SYCP1: variants seen among roughly 807,000 people sequenced by gnomAD.
SYCP1 encodes the protein synaptonemal complex protein 1.
SYCP1 carries 64 observed loss-of-function variants against 153.1 expected under a neutral mutation model. That is an observed-to-expected ratio of 0.42 (90% CI 0.34 to 0.51). The LOEUF (loss-of-function observed/expected upper bound fraction) is 0.51. Ranked by LOEUF, SYCP1 falls within the 20% of genes least tolerant of loss-of-function variation. The pLI is 0.06. For missense variants in SYCP1, 997 were observed against 1,049.0 expected (o/e 0.95, Z 0.68); for synonymous variants, 384 against 341.8 (o/e 1.12, Z -1.36).
intron 12 of SYCP1, among the ~76,000 whole-genome samples, chr1:114,882,156 A>G (rs1338724534): frequency 6.6e-6 from 1 of 152,020 alleles, no homozygotes; most frequent in Admixed American, 6.6e-5. Flanking sequence ...TTGCACTCCA[A>G]CCTGGGTGGC....
chr1:114,986,458 G>T (rs925760024), intron 30 of SYCP1, among the ~76,000 whole-genome samples: 1 of 151,966 alleles, frequency 6.6e-6, no homozygotes, highest in Non-Finnish European at 1.5e-5. Context: ...GATTCAGAAT[G>T]ATTCAACATG....
intron 16 of SYCP1, among the ~76,000 whole-genome samples, chr1:114,899,630 C>A (rs559933650): frequency 6.6e-6 from 1 of 152,274 alleles, no homozygotes; most frequent in East Asian, 1.9e-4. Context: ...ACACAATTGA[C>A]AAAGAAGTTT....
intron 21 of SYCP1, among the ~76,000 whole-genome samples, chr1:114,925,173 T>A (rs539618628): frequency 2.0e-5 from 3 of 152,136 alleles, no homozygotes; most frequent in Non-Finnish European, 4.4e-5. Flanking sequence ...TTAGTTCATA[T>A]TTATTAGTTA....
intron 5 of SYCP1, among the ~76,000 whole-genome samples, chr1:114,857,978 TA>T (rs1664129141): frequency 6.6e-6 from 1 of 152,018 alleles, no homozygotes; most frequent in Non-Finnish European, 1.5e-5. Context: ...TTAAAATATA[TA>T]GAACTTATTT....
intron 30 of SYCP1, among the ~76,000 whole-genome samples, chr1:114,990,901 TA>T (rs1673869883): frequency 6.6e-6 from 1 of 151,948 alleles, no homozygotes; most frequent in Admixed American, 6.6e-5. Context: ...AGCTTCTGGA[TA>T]ACTGAACACA....
At chr1:114,972,794 A>G (rs559754619) in intron 27 of SYCP1, among the ~76,000 whole-genome samples, 15 of 152,202 alleles carry the variant, frequency 9.9e-5, no homozygotes, top group African/African-American at 3.4e-4. Context: ...TTGAATGTTT[A>G]AGACTTGTTT....
intron 3 of SYCP1, 32 bp from the exon 4 acceptor site, chr1:114,857,200 G>A (rs367630362): frequency 3.3e-5 from 47 of 1,441,304 alleles, no homozygotes; most frequent in Middle Eastern, 3.9e-4. Context: ...AGATGTTGGC[G>A]TATTTAATAC....
intron 12 of SYCP1, 61 bp downstream of exon 12, chr1:114,878,263 C>T (rs1665678667): frequency 9.3e-7 from 1 of 1,072,132 alleles, no homozygotes; most frequent in Non-Finnish European, 1.4e-6. Context: ...ATGTTCTAAA[C>T]ATTGACTTTC....
chr1:114,860,436 G>A (rs1017810004), intron 7 of SYCP1, among the ~76,000 whole-genome samples: 4 of 152,020 alleles, frequency 2.6e-5, no homozygotes, highest in Non-Finnish European at 5.9e-5. Context: ...AAAGTTTATT[G>A]ATAGCAACTT....
In SYCP1 at chr1:114,947,270, G is replaced by T; in HGVS notation, c.2272G>T (p.Ala758Ser). The change falls in exon 27 of 32, where the codon GCT becomes TCT. Residue 758 changes from alanine (A) to serine (S), a missense_variant. Ala to Ser is a moderately conservative substitution (Grantham distance 99, BLOSUM62 1). Transcript: ENST00000369522. ...SLEIELSNLK[A>S]ELLSVKKQLE... ...GGAGATTGAACTATCCAATCTCAAA[G>T]CTGAACTTTTGTCTGTTAAGAAGCA... 6.2e-7 allele frequency: 1 copy of T among 1,612,850 alleles called. No individual in the cohort carries two copies. The highest frequency in any genetic ancestry group is 2.2e-5 in the East Asian group (1 of 44,728).
At chr1:114,874,125 C>A (rs903775352) in intron 8 of SYCP1, among the ~76,000 whole-genome samples, 4 of 152,170 alleles carry the variant, frequency 2.6e-5, no homozygotes, top group African/African-American at 9.6e-5. Context: ...CTGGTTCCCA[C>A]AGAGTTTTCT....
At chr1:114,981,293 G>T (rs376005848) in intron 28 of SYCP1, 43 bp from the exon 29 acceptor site, 2 of 1,400,986 alleles carry the variant, frequency 1.4e-6, no homozygotes, top group African/African-American at 3.0e-5. Flanking sequence ...TAATTAATGT[G>T]ACATTTAGTG....
intron 10 of SYCP1, 132 bp downstream of exon 10, chr1:114,876,270 C>T (rs968545134): frequency 3.5e-5 from 19 of 536,144 alleles, no homozygotes; most frequent in Non-Finnish European, 5.4e-5. Flanking sequence ...TTTCTGTAAG[C>T]CCCTCTAAAT....
chr1:114,899,009 C>A (rs948473483), intron 16 of SYCP1, among the ~76,000 whole-genome samples: 2 of 152,166 alleles, frequency 1.3e-5, no homozygotes, highest in African/African-American at 4.8e-5. Context: ...CGGTGTGAGG[C>A]CAGTTTTTTC....
intron 23 of SYCP1, among the ~76,000 whole-genome samples, chr1:114,939,324 G>A (rs911779161): frequency 6.6e-6 from 1 of 152,078 alleles, no homozygotes; most frequent in Admixed American, 6.6e-5. Context: ...ATGGAAACAT[G>A]TCCACTAAAA....
intron 16 of SYCP1, among the ~76,000 whole-genome samples, chr1:114,899,780 A>G (rs1397576372): frequency 1.3e-5 from 2 of 152,186 alleles, no homozygotes; most frequent in African/African-American, 4.8e-5. Context: ...AATATTGAAC[A>G]CCATTTTGGC....
chr1:114,934,474 A>G (rs1193618023), intron 23 of SYCP1, among the ~76,000 whole-genome samples: 1 of 152,332 alleles, frequency 6.6e-6, no homozygotes, highest in South Asian at 2.1e-4. Context: ...TATAAAGACC[A>G]TCGATGCTAG....
chr1:114,909,481 T>C (rs1446594947), intron 16 of SYCP1, among the ~76,000 whole-genome samples: 1 of 112,026 alleles, frequency 8.9e-6, no homozygotes, highest in Non-Finnish European at 1.9e-5. Flanking sequence ...TCTTTCCCTC[T>C]CTCTCCCTTG....
intron 16 of SYCP1, among the ~76,000 whole-genome samples, chr1:114,899,710 A>G (rs1667292616): frequency 6.6e-6 from 1 of 152,242 alleles, no homozygotes; most frequent in South Asian, 2.1e-4. Flanking sequence ...TTAGAATTTT[A>G]GAAATCCCAT....
Sources: allele counts gnomAD v4.1 joint callset (sites outside exome capture counted in the v4.1 genomes callset), GRCh38; gene constraint gnomAD v4.1.1; transcripts MANE v1.5; gene names NCBI Gene and HGNC (gene_info 2026-07-23, HGNC 2026-07-21).